Variants in TUSC3 observed in about 807,000 individuals in gnomAD.
TUSC3 encodes dolichyl-diphosphooligosaccharide--protein glycosyltransferase subunit TUSC3.
A neutral mutation model predicts 44.8 loss-of-function variants in TUSC3; 45 were observed. The observed-to-expected ratio is 1.00, with a 90% CI of 0.79 to 1.29. TUSC3 has a LOEUF of 1.29. TUSC3 is among the 50% of genes most tolerant of loss of function. The pLI, the probability that TUSC3 is intolerant of heterozygous loss-of-function variation, is 0.00. For synonymous variants in TUSC3, 212 were observed against 152.9 expected, an observed-to-expected ratio of 1.39 and a Z score of -2.85; for missense variants, 519 against 437.9, an observed-to-expected ratio of 1.19 and a Z score of -1.65.
chr8:15,779,420 A>G, the TUSC3 span, among the ~76,000 whole-genome samples: 4 of 152,040 alleles, frequency 2.6e-5, no homozygotes, highest in African/African-American at 9.7e-5. Context: ...TCCTTTAACC[A>G]TGTGATTAAT....
intron 1 of TUSC3, among the ~76,000 whole-genome samples, chr8:15,601,025 C>T (rs1042379337): frequency 7.3e-5 from 11 of 151,466 alleles, no homozygotes; most frequent in African/African-American, 2.7e-4. Context: ...ATCAAGAGTA[C>T]AAGTAATTCA....
chr8:15,599,994 C>T (rs1017051629), intron 1 of TUSC3, among the ~76,000 whole-genome samples: 1 of 151,666 alleles, frequency 6.6e-6, no homozygotes, highest in African/African-American at 2.4e-5. Flanking sequence ...CAGTCAACGC[C>T]ATCTGCAAAC....
rs936478075 is a variant in TUSC3 at position 15,517,560 on chromosome 8, C to A, written n.189+34077C>A. 2.7e-3 allele frequency among the ~76,000 whole-genome samples: 303 copies of A among 113,394 alleles called. 1 individual carries two copies. Among genetic ancestry groups the A allele is most frequent in the Middle Eastern group, 0.014 (2 of 142 alleles). The allele number at this position is 113,394 out of a possible 152,430, so 74.4% of individuals were successfully genotyped here. A position where few individuals can be genotyped will look rare whatever the true frequency, so the allele number is the denominator to read the frequency against. On this transcript the variant is annotated intron_variant and non_coding_transcript_variant, in intron 2 of 5. Coordinates refer to the TUSC3 transcript ENST00000503191. The stretch of plus-strand genomic sequence containing the variant: ...AAAAAAAAAAAAAAAAAAAAAAGCC[C>A]ACAACATTCACATTTACAGTTTACA...
rs574506674 is a variant in TUSC3, at chr8:15,680,330, T to G, written c.798+6494T>G. Among the ~76,000 whole-genome samples, 80 of 152,146 alleles carry G rather than the reference T, an allele frequency of 5.3e-4. 1 individual carries two copies. In the Middle Eastern group the frequency reaches 0.01, roughly 19 times the overall value. The stretch of plus-strand genomic sequence containing the variant: ...TGGTTACATGTGTGCCTAGGTAATT[T>G]GTGTGTGTATGTGTGTGTGTATGTT... On this transcript the variant is annotated intron_variant, in intron 6 of 10. Coordinates refer to ENST00000503731, the MANE Select transcript of TUSC3 (RefSeq NM_006765.4).
At chr8:15,671,486 T>C (rs1412930294) in intron 5 of TUSC3, among the ~76,000 whole-genome samples, 4 of 152,034 alleles carry the variant, frequency 2.6e-5, no homozygotes, top group Non-Finnish European at 4.4e-5. Flanking sequence ...TAGAAGTGCA[T>C]GTTACTCAGT....
intron 1 of TUSC3, among the ~76,000 whole-genome samples, chr8:15,608,463 C>T (rs1804624492): frequency 6.6e-6 from 1 of 152,128 alleles, no homozygotes; most frequent in African/African-American, 2.4e-5. Flanking sequence ...CTCAGTCTTC[C>T]ACATGAAGTG....
At chr8:15,498,584 T>C (rs909785250) in intron 2 of TUSC3, among the ~76,000 whole-genome samples, 1 of 152,204 alleles carries the variant, frequency 6.6e-6, no homozygotes. Flanking sequence ...CTTGATTAAT[T>C]GCACAAGTGC....
At chr8:15,648,469 G>C (rs1381204056) in intron 2 of TUSC3, among the ~76,000 whole-genome samples, 1 of 150,740 alleles carries the variant, frequency 6.6e-6, no homozygotes, top group Non-Finnish European at 1.5e-5. Flanking sequence ...GCTCACGCCT[G>C]TAATCCCAGC....
the TUSC3 span, among the ~76,000 whole-genome samples, chr8:15,798,184 C>G: frequency 2.6e-5 from 4 of 152,202 alleles, no homozygotes; most frequent in Non-Finnish European, 4.4e-5. Context: ...TCAGTGTCTA[C>G]CGTACATTCA....
At chr8:15,852,050 G>A in the TUSC3 span, among the ~76,000 whole-genome samples, 1 of 152,098 alleles carries the variant, frequency 6.6e-6, no homozygotes, top group Non-Finnish European at 1.5e-5. Context: ...CCCCAGCCAC[G>A]TGGAACTGTG....
At chr8:15,758,349 T>TTA (rs1014931348) in intron 10 of TUSC3, 12 of 531,840 alleles carry the variant, frequency 2.3e-5, no homozygotes, top group East Asian at 1.5e-4. Flanking sequence ...GGTACTTTAT[T>TTA]TATATATATA....
intron 6 of TUSC3, among the ~76,000 whole-genome samples, chr8:15,687,629 C>G (rs1001663714): frequency 6.6e-6 from 1 of 152,090 alleles, no homozygotes; most frequent in African/African-American, 2.4e-5. Context: ...GATTGCCAGC[C>G]CAGACTGCTC....
chr8:15,473,708 C>G (rs1800528661), intron 1 of TUSC3, among the ~76,000 whole-genome samples: 1 of 152,038 alleles, frequency 6.6e-6, no homozygotes, highest in South Asian at 2.1e-4. Context: ...GGAGGGGGTG[C>G]AAGTACAGGG....
intron 2 of TUSC3, among the ~76,000 whole-genome samples, chr8:15,499,846 G>A (rs777968075): frequency 1.3e-5 from 2 of 152,048 alleles, no homozygotes; most frequent in East Asian, 1.9e-4. Context: ...GCTTCCATAA[G>A]TGTATGAGCC....
chr8:15,707,068 G>A (rs549704321), intron 6 of TUSC3, among the ~76,000 whole-genome samples: 21 of 151,954 alleles, frequency 1.4e-4, no homozygotes, highest in African/African-American at 5.1e-4. Flanking sequence ...GAGTTACTAT[G>A]TCTCAAAGCT....
chr8:15,727,616 GTA>G (rs987932538), intron 6 of TUSC3, among the ~76,000 whole-genome samples: 1 of 152,084 alleles, frequency 6.6e-6, no homozygotes, highest in Non-Finnish European at 1.5e-5. Flanking sequence ...TCAAATGTTA[GTA>G]TACCTTCCTG....
At chr8:15,497,085 G>T (rs946419223) in intron 2 of TUSC3, among the ~76,000 whole-genome samples, 1 of 152,168 alleles carries the variant, frequency 6.6e-6, no homozygotes, top group African/African-American at 2.4e-5. Context: ...GGAAAATACG[G>T]TAAGTGCTAT....
the TUSC3 span, among the ~76,000 whole-genome samples, chr8:15,847,040 G>C: frequency 1.3e-5 from 2 of 152,128 alleles, no homozygotes; most frequent in Non-Finnish European, 2.9e-5. Flanking sequence ...TAACGCCCTA[G>C]TCCATAACAG....
chr8:15,796,542 C>T, the TUSC3 span, among the ~76,000 whole-genome samples: 1 of 152,208 alleles, frequency 6.6e-6, no homozygotes, highest in Admixed American at 6.5e-5. Flanking sequence ...TGCATAGCTG[C>T]CACTGAGATT....
Sources: allele counts gnomAD v4.1 joint callset (sites outside exome capture counted in the v4.1 genomes callset), GRCh38; gene constraint gnomAD v4.1.1; transcripts MANE v1.5; gene names NCBI Gene and HGNC (gene_info 2026-07-23, HGNC 2026-07-21).